The following ZNF407 variants were observed in gnomAD, a reference collection of about 807,000 sequenced individuals.
The protein encoded by ZNF407 is zinc finger protein 407.
Under a neutral mutation model 131.2 loss-of-function variants are expected in ZNF407, and 17 were observed. The observed-to-expected ratio is 0.13, with a 90% CI of 0.09 to 0.19. The LOEUF (loss-of-function observed/expected upper bound fraction) is 0.19. Ranked by LOEUF, ZNF407 falls within the 10% of genes least tolerant of loss-of-function variation. The pLI, the probability that ZNF407 is intolerant of heterozygous loss-of-function variation, is 1.00. For missense variants in ZNF407, 2,681 were observed against 2,830.6 expected (o/e 0.95, Z 1.20); for synonymous variants, 1,156 against 1,062.0 (o/e 1.09, Z -1.72).
At chr18:74,870,631 G>T (rs761335491) in intron 4 of ZNF407, among the ~76,000 whole-genome samples, 1 of 152,054 alleles carries the variant, frequency 6.6e-6, no homozygotes, top group Non-Finnish European at 1.5e-5. Flanking sequence ...TTGGTGTCTG[G>T]ATGTAACTTC....
chr18:74,611,973 A>T (rs915701205), intron 1 of ZNF407, among the ~76,000 whole-genome samples: 3 of 152,178 alleles, frequency 2.0e-5, no homozygotes, highest in African/African-American at 7.2e-5. Flanking sequence ...TTGTAAGAGG[A>T]AAGACTGGGA....
chr18:74,921,158 C>T (rs367931962), intron 8 of ZNF407: 33 of 387,018 alleles, frequency 8.5e-5, no homozygotes, highest in Middle Eastern at 1.3e-3. Context: ...TGGGTGGTAA[C>T]GGTGCTGTGC....
In ZNF407 at chr18:74,813,400, C is replaced by T. The variant is rs76270342; in HGVS notation, c.4877+31898C>T. 5.2e-3 allele frequency among the ~76,000 whole-genome samples: 795 copies of T among 152,280 alleles called. 2 individuals are homozygous for T. Among genetic ancestry groups the T allele is most frequent in the Admixed American group, 8.2e-3 (125 of 15,300 alleles). On this transcript the variant is annotated intron_variant, in intron 4 of 8. Coordinates refer to ENST00000299687, the MANE Select transcript of ZNF407 (RefSeq NM_017757.3). ...GAGGTGAGGCACTGTCAGGTCCATT[C>T]GCTCAAACGGGAATTTGTCTTCATG...
intron 3 of ZNF407, among the ~76,000 whole-genome samples, chr18:74,755,752 T>TCTAA: frequency 8.3e-6 from 1 of 121,196 alleles, no homozygotes; most frequent in South Asian, 3.0e-4. Context: ...TTTCTTTCTT[T>TCTAA]CTTTCTTTCT....
At chr18:74,664,716 TTCTC>T (rs956268360) in intron 3 of ZNF407, among the ~76,000 whole-genome samples, 5 of 152,024 alleles carry the variant, frequency 3.3e-5, no homozygotes, top group Non-Finnish European at 5.9e-5. Flanking sequence ...CTCTCTCTCT[TTCTC>T]TCTCTTTTTT....
At chr18:74,871,167 C>G (rs145637349) in intron 4 of ZNF407, among the ~76,000 whole-genome samples, 5 of 152,154 alleles carry the variant, frequency 3.3e-5, no homozygotes, top group African/African-American at 1.2e-4. Context: ...CGGCAGTGCT[C>G]GTCCCTGTGT....
At chr18:74,974,643 T>G (rs1310552660) in intron 8 of ZNF407, among the ~76,000 whole-genome samples, 1 of 152,232 alleles carries the variant, frequency 6.6e-6, no homozygotes, top group Non-Finnish European at 1.5e-5. Context: ...AGTAGATTAT[T>G]TTTTTAAAAA....
intron 1 of ZNF407, among the ~76,000 whole-genome samples, chr18:74,616,921 G>A (rs1363941411): frequency 0.12 from 276 of 2,342 alleles, 2 homozygotes; most frequent in African/African-American, 0.14. Flanking sequence ...CCATATCCAC[G>A]CACCATACAC....
At chr18:74,656,239 G>A (rs1473142193) in intron 3 of ZNF407, among the ~76,000 whole-genome samples, 1 of 151,956 alleles carries the variant, frequency 6.6e-6, no homozygotes, top group South Asian at 2.1e-4. Context: ...ACTTTAGTTA[G>A]GTTACTTTAC....
chr18:74,638,855 A>G (rs1468425393), intron 2 of ZNF407, among the ~76,000 whole-genome samples: 2 of 152,194 alleles, frequency 1.3e-5, no homozygotes, highest in African/African-American at 4.8e-5. Context: ...CATTTCGGAA[A>G]GTACATAGCA....
chr18:74,904,007 C>T lies in ZNF407; in HGVS notation c.5249+13969C>T, dbSNP rs75827670. On this transcript the variant is annotated intron_variant, in intron 7 of 8. Coordinates refer to ENST00000299687, the MANE Select transcript of ZNF407 (RefSeq NM_017757.3). ...TCGGAGAATCCCTTTAGTCAGGACA[C>T]ACCTCTAGTTTTGTGTACTGATATA... 5.7e-3 allele frequency among the ~76,000 whole-genome samples: 867 copies of T among 152,320 alleles called. 6 individuals are homozygous for T. The highest frequency in any genetic ancestry group is 0.017 in the Middle Eastern group (5 of 292).
At chr18:75,028,634 A>G (rs1973199577) in intron 8 of ZNF407, among the ~76,000 whole-genome samples, 1 of 152,204 alleles carries the variant, frequency 6.6e-6, no homozygotes, top group Admixed American at 6.5e-5. Flanking sequence ...AGAAACACTG[A>G]ACGTCAATGT....
chr18:74,752,851 A>G (rs570906498), intron 3 of ZNF407, among the ~76,000 whole-genome samples: 1 of 152,220 alleles, frequency 6.6e-6, no homozygotes, highest in South Asian at 2.1e-4. Context: ...TTGTCTTGGC[A>G]ATGTGGGCTC....
chr18:74,688,384 A>G lies in ZNF407; in HGVS notation c.4802+47262A>G, dbSNP rs486273. Reference sequence around the variant, plus strand: ...GGATATAGGAGCCTAACAGATATCTATGGGAACATCTCAGCTCTGAGGTGA... The same window carrying G: ...GGATATAGGAGCCTAACAGATATCTGTGGGAACATCTCAGCTCTGAGGTGA... On this transcript the variant is annotated intron_variant, in intron 3 of 8. Coordinates refer to ENST00000299687, the MANE Select transcript of ZNF407 (RefSeq NM_017757.3). 4.3e-3 allele frequency among the ~76,000 whole-genome samples: 654 copies of G among 152,340 alleles called. 5 individuals are homozygous for G. Among genetic ancestry groups the G allele is most frequent in the African/African-American group, 0.015 (623 of 41,580 alleles).
At position 74,631,106 on chromosome 18, in the gene ZNF407, T is replaced by A. The variant is rs755988216; in HGVS notation, c.87T>A (p.His29Gln). The part of the protein sequence containing the change: ...EAQDLTKLSS[H>Q]NEDGGPVSDV... The stretch of plus-strand genomic sequence containing the variant: ...AAGACTTGACAAAGCTTTCATCCCA[T>A]AATGAAGACGGTGGGCCTGTATCTG... Residue 29 changes from histidine to glutamine, a missense_variant, in exon 2 of 9, where the codon CAT (histidine) becomes CAA (glutamine). Coordinates refer to ENST00000299687, the MANE Select transcript of ZNF407 (RefSeq NM_017757.3). The A allele has an allele frequency of 6.2e-7, 1 of 1,613,918 alleles. No homozygotes were observed. The highest frequency in any genetic ancestry group is 1.1e-5 in the South Asian group (1 of 91,076).
Position 74,621,088 on chromosome 18 carries a change from C to A in ZNF407, c.-53-9879C>A, listed in dbSNP as rs985212408. ...TCCATATAAATCTAAATTTAAAACT[C>A]GCTCTACTGTATCTCTTTATTATTA... On this transcript the variant is annotated intron_variant, in intron 1 of 8. Coordinates refer to ENST00000299687, the MANE Select transcript of ZNF407 (RefSeq NM_017757.3). 6.4e-5 allele frequency among the ~76,000 whole-genome samples: 7 copies of A among 109,832 alleles called. No homozygotes were observed. In the Middle Eastern group the frequency reaches 0.015, roughly 233 times the overall value. 72.1% of individuals were successfully genotyped at this position (109,832 alleles called of 152,430 possible).
In ZNF407 at chr18:74,631,976, A is replaced by T; in HGVS notation, c.957A>T (p.Gly319=). The change falls in exon 2 of 9, where the codon GGA becomes GGT. Residue 319 remains glycine (G), a synonymous_variant. Transcript: ENST00000299687. ...KSIAKNSDSK[G]LRNVGSTFKD... ...TAGCAAAGAATAGTGATTCAAAAGGATTACGAAATGTGGGAAGCACGTTTA... is the reference window on the plus strand; with the variant it reads ...TAGCAAAGAATAGTGATTCAAAAGGTTTACGAAATGTGGGAAGCACGTTTA... The T allele has an allele frequency of 6.2e-7, 1 of 1,614,042 alleles. No individual in the cohort carries two copies. Among genetic ancestry groups the T allele is most frequent in the Non-Finnish European group, 8.5e-7 (1 of 1,179,902 alleles).
chr18:74,941,398 G>A (rs996670346), intron 8 of ZNF407, among the ~76,000 whole-genome samples: 1 of 152,072 alleles, frequency 6.6e-6, no homozygotes, highest in East Asian at 1.9e-4. Context: ...TACTGGGTGG[G>A]CACATTTGCT....
intron 1 of ZNF407, among the ~76,000 whole-genome samples, chr18:74,615,774 AG>A (rs781730706): frequency 2.0e-5 from 3 of 152,154 alleles, no homozygotes; most frequent in Non-Finnish European, 2.9e-5. Context: ...CATAGTCTGA[AG>A]GGGGCCACTG....
Sources: allele counts gnomAD v4.1 joint callset (sites outside exome capture counted in the v4.1 genomes callset), GRCh38; gene constraint gnomAD v4.1.1; transcripts MANE v1.5; gene names NCBI Gene and HGNC (gene_info 2026-07-23, HGNC 2026-07-21).